Variants in SULF1 observed in about 807,000 individuals in gnomAD.
SULF1 encodes sulfatase 1, also known as extracellular sulfatase Sulf-1.
In SULF1, 46 loss-of-function variants were observed where a neutral mutation model predicts 110.5. That is an observed-to-expected ratio of 0.42 (90% CI 0.33 to 0.53). SULF1 has a LOEUF of 0.53. Ranked by LOEUF, SULF1 falls within the 20% of genes least tolerant of loss-of-function variation. The probability of loss-of-function intolerance (pLI) is 0.12; values close to 1 mark genes in which losing one functional copy is unlikely to be tolerated. For missense variants in SULF1, 941 were observed against 1,094.2 expected (o/e 0.86, Z 1.98); for synonymous variants, 371 against 387.1 (o/e 0.96, Z 0.49).
chr8:69,515,571 C>G (rs1811872044), intron 3 of SULF1, among the ~76,000 whole-genome samples: 1 of 152,192 alleles, frequency 6.6e-6, no homozygotes, highest in Non-Finnish European at 1.5e-5. Context: ...CATTCAGCTC[C>G]TCCTTACTTA....
At chr8:69,497,767 AAG>A (rs1256274983) in intron 2 of SULF1, among the ~76,000 whole-genome samples, 3 of 152,206 alleles carry the variant, frequency 2.0e-5, no homozygotes, top group Non-Finnish European at 2.9e-5. Flanking sequence ...GGGGACAACC[AAG>A]AGAGTTAAGT....
chr8:69,642,378 T>C (rs1413198092), intron 22 of SULF1: 1 of 987,080 alleles, frequency 1.0e-6, no homozygotes, highest in African/African-American at 1.7e-5. Context: ...AGGTGGACTT[T>C]TGGGTATATG....
intron 3 of SULF1, among the ~76,000 whole-genome samples, chr8:69,507,929 G>A (rs1811305257): frequency 6.6e-6 from 1 of 152,128 alleles, no homozygotes; most frequent in Admixed American, 6.6e-5. Flanking sequence ...AAGCTGAGAT[G>A]TGTATGGGAC....
At position 69,578,938 on chromosome 8, in the gene SULF1, C is replaced by T. The variant is rs144614699; in HGVS notation, c.412+2729C>T. 3.2e-3 allele frequency among the ~76,000 whole-genome samples: 484 copies of T among 151,798 alleles called. 2 individuals are homozygous for T. Among genetic ancestry groups the T allele is most frequent in the African/African-American group, 0.011 (463 of 41,402 alleles). ...CAGCACTTTAGGAGGACAAGGCTGG[C>T]GGATCACGAGGTCAGGAGATCGAGA... On this transcript the variant is annotated intron_variant, in intron 6 of 22. Transcript: ENST00000402687.
chr8:69,587,160 A>G (rs974031756), intron 7 of SULF1, among the ~76,000 whole-genome samples: 7 of 152,222 alleles, frequency 4.6e-5, no homozygotes, highest in African/African-American at 1.7e-4. Flanking sequence ...AGATTTTGTG[A>G]TAGCTGACTT....
At chr8:69,521,370 A>G (rs1032949224) in intron 3 of SULF1, among the ~76,000 whole-genome samples, 23 of 152,182 alleles carry the variant, frequency 1.5e-4, no homozygotes, top group Non-Finnish European at 3.2e-4. Flanking sequence ...TATACGTAGT[A>G]TATTTGTACT....
rs1019779625 is a variant in SULF1 at position 69,563,942 on chromosome 8, A to G, written c.-34A>G. 1.2e-6 allele frequency: 2 copies of G among 1,604,872 alleles called. No individual in the cohort carries two copies. Among genetic ancestry groups the G allele is most frequent in the African/African-American group, 1.3e-5 (1 of 74,844 alleles). On this transcript the variant is annotated 5_prime_UTR_variant, in exon 5 of 23. Coordinates refer to ENST00000402687, the MANE Select transcript of SULF1 (RefSeq NM_001128205.2). Reference sequence around the variant, plus strand: ...ACTCCAGAAATCAGGAGACGGAGACATTTTGTCAGTTTTGCAACATTGGAC... The same window carrying G: ...ACTCCAGAAATCAGGAGACGGAGACGTTTTGTCAGTTTTGCAACATTGGAC...
chr8:69,474,764 T>C (rs1288668456), intron 1 of SULF1, among the ~76,000 whole-genome samples: 2 of 152,218 alleles, frequency 1.3e-5, no homozygotes, highest in Non-Finnish European at 2.9e-5. Context: ...GATTAAATCT[T>C]TTTATTTTAC....
rs528019931 is a variant in SULF1, at chr8:69,638,183, C to G, written c.2285-319C>G. On this transcript the variant is annotated intron_variant, in intron 19 of 22. Transcript: ENST00000402687. ...AAATAGAAATTCTGATATTTTTCTT[C>G]TCATACTTCCGTCACTCACCCCTCT... 3.6e-5 allele frequency: 9 copies of G among 251,502 alleles called. No homozygotes were observed. In the East Asian group the frequency reaches 8.5e-4, roughly 24 times the overall value. The allele number at this position is 251,502 out of a possible 1,614,324, so 15.6% of individuals were successfully genotyped here.
In SULF1 at chr8:69,529,305, G is replaced by A. The variant is rs1812925303; in HGVS notation, c.-134+27337G>A. Among the ~76,000 whole-genome samples the A allele has an allele frequency of 2.0e-5, 3 of 152,168 alleles. No homozygotes were observed. In the South Asian group the frequency reaches 6.2e-4, roughly 32 times the overall value. ...GAAATTCCTTTGAACTATCACTGAT[G>A]TAGCTCCTAAATTTCAGAACCCCTC... On this transcript the variant is annotated intron_variant, in intron 3 of 22. Transcript: ENST00000402687.
At position 69,659,253 on chromosome 8, in the gene SULF1, G is replaced by A. The variant is rs567949222; in HGVS notation, c.*718G>A. On this transcript the variant is annotated 3_prime_UTR_variant, in exon 23 of 23. Transcript: ENST00000402687. ...CGGGGAAGATGTTGACCAAGGTGGA[G>A]AAGAATCACGAAAAGGAGAAGTCAC... 1,206 of 453,012 alleles carry A rather than the reference G, an allele frequency of 2.7e-3. 43 individuals are homozygous for A. Among genetic ancestry groups the A allele is most frequent in the South Asian group, 0.018 (1,162 of 63,920 alleles). 28.1% of individuals were successfully genotyped at this position (453,012 alleles called of 1,614,324 possible).
At chr8:69,529,359 G>T (rs1812929389) in intron 3 of SULF1, among the ~76,000 whole-genome samples, 1 of 152,136 alleles carries the variant, frequency 6.6e-6, no homozygotes, top group Non-Finnish European at 1.5e-5. Flanking sequence ...ATCATCAACG[G>T]TTAGCACTAC....
At chr8:69,490,682 C>T (rs560890133), upstream of SULF1, among the ~76,000 whole-genome samples, 1 of 152,156 alleles carries the variant, frequency 6.6e-6, no homozygotes, top group Admixed American at 6.5e-5. Context: ...AGGTTTCTTC[C>T]AGCTTTCAGT....
intron 2 of SULF1, among the ~76,000 whole-genome samples, chr8:69,500,183 TA>T (rs562692837): frequency 6.6e-6 from 1 of 152,102 alleles, no homozygotes; most frequent in African/African-American, 2.4e-5. Flanking sequence ...ATTACTGGTC[TA>T]AAAAAAATCA....
At chr8:69,628,888 A>ATGG (rs1357152089) in intron 18 of SULF1, among the ~76,000 whole-genome samples, 5 of 152,182 alleles carry the variant, frequency 3.3e-5, no homozygotes, top group Non-Finnish European at 5.9e-5. Context: ...ATTTGTCCAA[A>ATGG]GAGTGTGGCT....
Position 69,658,562 on chromosome 8 carries a change from A to G in SULF1, c.*27A>G, listed in dbSNP as rs1338250731. 1.3e-6 allele frequency: 2 copies of G among 1,599,566 alleles called. No homozygotes were observed. Among genetic ancestry groups the G allele is most frequent in the East Asian group, 2.2e-5 (1 of 44,794 alleles). ...CAGCCCCGTCTCACTGCAGACATCA[A>G]CTGGCAAGGCCTAGAGGAGCTACAC... On this transcript the variant is annotated 3_prime_UTR_variant, in exon 23 of 23. Coordinates refer to ENST00000402687, the MANE Select transcript of SULF1 (RefSeq NM_001128205.2).
chr8:69,505,195 C>A (rs1334108558), intron 3 of SULF1, among the ~76,000 whole-genome samples: 1 of 152,078 alleles, frequency 6.6e-6, no homozygotes, highest in Non-Finnish European at 1.5e-5. Context: ...GAGAAGACAC[C>A]AAAAGGACAA....
intron 8 of SULF1, among the ~76,000 whole-genome samples, chr8:69,593,251 C>T (rs1807037813): frequency 6.6e-6 from 1 of 152,162 alleles, no homozygotes; most frequent in South Asian, 2.1e-4. Flanking sequence ...AAATTGAAGA[C>T]AAGCTGCCGA....
chr8:69,487,773 G>C (rs1809765796), intron 1 of SULF1, among the ~76,000 whole-genome samples: 1 of 152,190 alleles, frequency 6.6e-6, no homozygotes, highest in Non-Finnish European at 1.5e-5. Flanking sequence ...CTCTCATAAG[G>C]CACAATGCAA....
Sources: allele counts gnomAD v4.1 joint callset (sites outside exome capture counted in the v4.1 genomes callset), GRCh38; gene constraint gnomAD v4.1.1; transcripts MANE v1.5; gene names NCBI Gene and HGNC (gene_info 2026-07-23, HGNC 2026-07-21).